The following KANK2 variants were observed in gnomAD, a reference collection of about 807,000 sequenced individuals.
KANK2 encodes KN motif and ankyrin repeat domain-containing protein 2.
In KANK2, 41 loss-of-function variants were observed where a neutral mutation model predicts 74.6. That is an observed-to-expected ratio of 0.55 (90% CI 0.43 to 0.71). The LOEUF (loss-of-function observed/expected upper bound fraction) is 0.71. KANK2 is among the 30% of genes least tolerant of loss of function. The probability of loss-of-function intolerance (pLI) is 0.00; values close to 1 mark genes in which losing one functional copy is unlikely to be tolerated. For synonymous variants in KANK2, 537 were observed against 519.0 expected (o/e 1.03, Z -0.47); for missense variants, 1,148 against 1,196.4 (o/e 0.96, Z 0.60).
intron 8 of KANK2, 99 bp downstream of exon 8, chr19:11,175,803 G>C: frequency 1.3e-6 from 1 of 793,874 alleles, no homozygotes; most frequent in East Asian, 2.6e-5. Context: ...GTCCCCACTA[G>C]GCAGGAGCAG....
At chr19:11,176,459 C>G in intron 7 of KANK2, 119 bp downstream of exon 7, 1 of 1,167,458 alleles carries the variant, frequency 8.6e-7, no homozygotes. Context: ...TTTGCTAATT[C>G]AGACTAAAGT....
intron 4 of KANK2, among the ~76,000 whole-genome samples, chr19:11,179,172 C>T (rs1315871367): frequency 6.6e-6 from 1 of 150,984 alleles, no homozygotes; most frequent in Non-Finnish European, 1.5e-5. Context: ...AAAAATTAGC[C>T]GGGCGTGGTG....
rs199627538 is a variant in KANK2, at chr19:11,193,117, C to T, written c.963G>A (p.Pro321=). The T allele has an allele frequency of 1.1e-4, 172 of 1,605,528 alleles. No homozygotes were observed. In the East Asian group the frequency reaches 2.1e-3, roughly 19 times the overall value. The stretch of plus-strand genomic sequence containing the variant: ...CTGTATCCACGCGGACCGGGCTGTC[C>T]GGCGGTGGCCAGGCCTGGGGCTGGG... ...ADPQPQAWPP[P]DSPVRVDTVR... is the part of the protein sequence containing the mutation. Residue 321 remains proline, a synonymous_variant, in exon 4 of 13, where the codon CCG becomes CCA. Transcript: ENST00000586659. The surrounding 1 kb of genome is among the most constrained non-coding windows in gnomAD (Gnocchi z 9.6).
intron 4 of KANK2, among the ~76,000 whole-genome samples, chr19:11,182,639 C>T (rs985094302): frequency 6.6e-6 from 1 of 151,456 alleles, no homozygotes; most frequent in Admixed American, 6.6e-5. Flanking sequence ...GTTAGGAGAT[C>T]GAGACCATCC....
Position 11,192,450 on chromosome 19 carries a change from TTTG to T in KANK2, c.1249+378_1249+380del. On this transcript the variant is annotated intron_variant, in intron 4 of 12. Transcript: ENST00000586659. Reference sequence around the variant, plus strand: ...GGCATTCTTTTTTTTTTTTTTTTTTTTTGAGACAGAGTCTCCCTCTGTTGCCCA... The same window carrying T: ...GGCATTCTTTTTTTTTTTTTTTTTTTAGACAGAGTCTCCCTCTGTTGCCCA... 6 of 187,198 alleles carry T rather than the reference TTTG, an allele frequency of 3.2e-5. No individual in the cohort carries two copies. In the South Asian group the frequency reaches 3.3e-4, roughly 10 times the overall value. The allele number at this position is 187,198 out of a possible 1,614,324, so 11.6% of individuals were successfully genotyped here.
At chr19:11,187,709 T>A (rs2078716900) in intron 4 of KANK2, among the ~76,000 whole-genome samples, 1 of 152,204 alleles carries the variant, frequency 6.6e-6, no homozygotes, top group African/African-American at 2.4e-5. Flanking sequence ...CTTTTGCAAC[T>A]GCAAAATGAA....
At chr19:11,176,393 C>G (rs2078336990) in intron 7 of KANK2, among the ~76,000 whole-genome samples, 185 bp downstream of exon 7, 1 of 152,190 alleles carries the variant, frequency 6.6e-6, no homozygotes, top group South Asian at 2.1e-4. Flanking sequence ...ATAGTTCCAC[C>G]AGGCCCTTTA....
chr19:11,178,363 A>G lies in KANK2; in HGVS notation c.1502T>C (p.Phe501Ser), dbSNP rs1485723085. ...DPTAHRRSLQ[F>S]VGVNGGYESS... ...CTCTCACCCGCCGTTGACCCCCACG[A>G]ACTGGAGGCTCCTCCGGTGGGCCGT... The change falls in exon 6 of 13, where the codon TTC (phenylalanine) becomes TCC (serine). Residue 501 changes from phenylalanine to serine, a missense_variant. By Grantham distance (155) the Phe-to-Ser change is radical. Transcript: ENST00000586659. The G allele has an allele frequency of 3.3e-6, 5 of 1,527,144 alleles. No individual in the cohort carries two copies. The highest frequency in any genetic ancestry group is 4.4e-6 in the Non-Finnish European group (5 of 1,143,262). The allele number at this position is 1,527,144 out of a possible 1,614,324, so 94.6% of individuals were successfully genotyped here.
At chr19:11,186,558 G>A (rs1248589596) in intron 4 of KANK2, among the ~76,000 whole-genome samples, 3 of 151,982 alleles carry the variant, frequency 2.0e-5, no homozygotes, top group African/African-American at 4.8e-5. Flanking sequence ...TTAGTCAGGC[G>A]TGGTGGGGCG....
Position 11,193,364 on chromosome 19 carries a change from G to T in KANK2, c.716C>A (p.Pro239His). The stretch of plus-strand genomic sequence containing the variant: ...CTCGCTGCGACCCCGGCCCGCTGTG[G>T]GGTGGCCCAGGAACTTCTGGCTCTT... ...QLKSQKFLGH[P>H]TAGRGRSELC... The change falls in exon 4 of 13, where the codon CCC becomes CAC. Residue 239 changes from proline (P) to histidine (H), a missense_variant. Coordinates refer to ENST00000586659, the MANE Select transcript of KANK2 (RefSeq NM_001136191.3). This position sits in a 1 kb window ranked among gnomAD's most constrained non-coding sequence, Gnocchi z 9.6. 6.2e-7 allele frequency: 1 copy of T among 1,612,960 alleles called. No homozygotes were observed. The highest frequency in any genetic ancestry group is 1.1e-5 in the South Asian group (1 of 91,082).
At chr19:11,189,603 CAAAAAAAAAAA>C (rs56203270) in intron 4 of KANK2, among the ~76,000 whole-genome samples, 25 of 43,142 alleles carry the variant, frequency 5.8e-4, no homozygotes, top group African/African-American at 1.3e-3. Context: ...GACTCTGTCT[CAAAAAAAAAAA>C]AAAAAAAAAA....
At chr19:11,197,079 T>A (rs1236508943) in intron 1 of KANK2, 1 of 151,476 alleles carries the variant, frequency 6.6e-6, no homozygotes, top group Non-Finnish European at 1.5e-5. Flanking sequence ...CTTCCCGCCG[T>A]CTGGGGCATG....
At position 11,193,867 on chromosome 19, in the gene KANK2, G is replaced by A. The variant is rs759966190; in HGVS notation, c.213C>T (p.Ser71=). 1 of 1,613,190 alleles carries A rather than the reference G, an allele frequency of 6.2e-7. No individual in the cohort carries two copies. Among genetic ancestry groups the A allele is most frequent in the South Asian group, 1.1e-5 (1 of 91,058 alleles). Residue 71 remains serine (S), a synonymous_variant, in exon 4 of 13, where the codon AGC becomes AGT. Transcript: ENST00000586659. The surrounding 1 kb of genome is among the most constrained non-coding windows in gnomAD (Gnocchi z 9.6). ...RVAVQRRPRL[S]SLPRGPGSWW... is the part of the protein sequence containing the mutation. The stretch of plus-strand genomic sequence containing the variant: ...AGGAGCCAGGGCCACGGGGCAGCGA[G>A]CTCAGGCGGGGGCGGCGCTGCACTG...
In KANK2 at chr19:11,194,476, T is replaced by C; in HGVS notation, c.36A>G (p.Pro12=). ...AQVLHVPAPF[P]GTPGPASPPA... ...GCCCTCTTCCCTGAGTCCCCTGACC[T>C]GGGAAGGGAGCAGGCACGTGCAGGA... Residue 12 remains proline, a splice_region_variant and synonymous_variant, in exon 3 of 13, where the codon CCA becomes CCG. Coordinates refer to ENST00000586659, the MANE Select transcript of KANK2 (RefSeq NM_001136191.3). 2 of 1,611,328 alleles carry C rather than the reference T, an allele frequency of 1.2e-6. No individual in the cohort carries two copies. The highest frequency in any genetic ancestry group is 1.7e-6 in the Non-Finnish European group (2 of 1,178,814).
chr19:11,192,599 C>T, intron 4 of KANK2: 1 of 483,292 alleles, frequency 2.1e-6, no homozygotes, highest in Non-Finnish European at 3.9e-6. Flanking sequence ...CCACACCTGG[C>T]TAATTTTTGT....
chr19:11,174,229 T>C (rs894908181), intron 9 of KANK2, among the ~76,000 whole-genome samples: 2 of 152,134 alleles, frequency 1.3e-5, no homozygotes, highest in Non-Finnish European at 2.9e-5. Context: ...CCCCACCCCA[T>C]TGAACTGGGA....
intron 4 of KANK2, among the ~76,000 whole-genome samples, chr19:11,182,561 A>AAAAAAAAAAC (rs766300556): frequency 7.0e-6 from 1 of 143,692 alleles, no homozygotes; most frequent in African/African-American, 2.5e-5. Flanking sequence ...CAAAACAAAA[A>AAAAAAAAAAC]AGCCAGGCGC....
chr19:11,189,939 G>A (rs1256807053), intron 4 of KANK2, among the ~76,000 whole-genome samples: 3 of 152,076 alleles, frequency 2.0e-5, no homozygotes, highest in Admixed American at 6.6e-5. Flanking sequence ...CAGAACAGGC[G>A]GGTGGTGTCC....
chr19:11,194,388 A>G, intron 3 of KANK2, 87 bp downstream of exon 3: 1 of 1,089,362 alleles, frequency 9.2e-7, no homozygotes, highest in Non-Finnish European at 1.4e-6. Flanking sequence ...CCCACCCTCA[A>G]AGTCCCCAGG....
Sources: allele counts gnomAD v4.1 joint callset (sites outside exome capture counted in the v4.1 genomes callset), GRCh38; gene constraint gnomAD v4.1.1; non-coding constraint Gnocchi (gnomAD v3.1); transcripts MANE v1.5; gene names NCBI Gene and HGNC (gene_info 2026-07-23, HGNC 2026-07-21).